The following MAPKAP1 variants were observed in gnomAD, a reference collection of about 807,000 sequenced individuals.
The protein encoded by MAPKAP1 is MAPK associated protein 1.
In MAPKAP1, 20 loss-of-function variants were observed where a neutral mutation model predicts 65.7. That is an observed-to-expected ratio of 0.30 (90% confidence interval 0.21 to 0.44). MAPKAP1 has a LOEUF of 0.44. MAPKAP1 is among the 20% of genes least tolerant of loss of function. The pLI is 1.00. For synonymous variants in MAPKAP1, 222 were observed against 244.3 expected, an observed-to-expected ratio of 0.91 and a Z score of 0.85; for missense variants, 423 against 648.0, an observed-to-expected ratio of 0.65 and a Z score of 3.77.
chr9:125,464,657 G>GGAGATTC (rs1853615094), intron 10 of MAPKAP1, among the ~76,000 whole-genome samples: 1 of 152,162 alleles, frequency 6.6e-6, no homozygotes, highest in Non-Finnish European at 1.5e-5. Context: ...TGAGACCCCA[G>GGAGATTC]CCTAAGAGGG....
intron 10 of MAPKAP1, among the ~76,000 whole-genome samples, chr9:125,454,221 G>A (rs557519104): frequency 6.6e-6 from 1 of 152,350 alleles, no homozygotes; most frequent in South Asian, 2.1e-4. Context: ...TCATGTGTAA[G>A]TTGTTCTAGT....
chr9:125,674,298 A>G (rs563770505), intron 1 of MAPKAP1, among the ~76,000 whole-genome samples: 35 of 152,354 alleles, frequency 2.3e-4, no homozygotes, highest in African/African-American at 8.2e-4. Context: ...AATTTCAATG[A>G]TCAATTCTTG....
chr9:125,697,766 A>C (rs1412879285), intron 1 of MAPKAP1, among the ~76,000 whole-genome samples: 1 of 152,198 alleles, frequency 6.6e-6, no homozygotes, highest in Non-Finnish European at 1.5e-5. Context: ...AATACTGCCA[A>C]AGTGCTTTCC....
chr9:125,527,848 C>G (rs960413680), intron 7 of MAPKAP1, among the ~76,000 whole-genome samples: 1 of 152,206 alleles, frequency 6.6e-6, no homozygotes, highest in African/African-American at 2.4e-5. Context: ...AACGGATATG[C>G]ATCGCCTTTC....
intron 1 of MAPKAP1, among the ~76,000 whole-genome samples, chr9:125,683,973 A>G (rs1227175446): frequency 1.3e-5 from 2 of 152,182 alleles, no homozygotes; most frequent in African/African-American, 4.8e-5. Context: ...CCCTTCTCCA[A>G]TACAAATCTT....
At chr9:125,621,501 AT>A (rs1832898850) in intron 4 of MAPKAP1, among the ~76,000 whole-genome samples, 1 of 152,196 alleles carries the variant, frequency 6.6e-6, no homozygotes, top group African/African-American at 2.4e-5. Flanking sequence ...AAATGAGATA[AT>A]GTATATAAAA....
rs541588215 is a variant in MAPKAP1, at chr9:125,548,323, T to G, written c.849-5155A>C. Among the ~76,000 whole-genome samples, 49 of 152,320 alleles carry G rather than the reference T, an allele frequency of 3.2e-4. No homozygotes were observed. The South Asian group carries it at 1.0e-2, about 31-fold the overall frequency. ...AAAGGTGGAGGCAAGTTCAGAGTGCTGCCAAAACAAACATAGGGCACGTAA... is the reference window on the plus strand; with the variant it reads ...AAAGGTGGAGGCAAGTTCAGAGTGCGGCCAAAACAAACATAGGGCACGTAA... On this transcript the variant is annotated intron_variant, in intron 6 of 11. Coordinates refer to ENST00000265960, the MANE Select transcript of MAPKAP1 (RefSeq NM_001006617.3).
At chr9:125,641,000 G>A (rs140944249) in intron 4 of MAPKAP1, among the ~76,000 whole-genome samples, 20 of 152,270 alleles carry the variant, frequency 1.3e-4, no homozygotes, top group African/African-American at 3.4e-4. Flanking sequence ...TGGCCCTACC[G>A]TATAGCAGGG....
At chr9:125,668,922 G>A (rs1189158648) in intron 3 of MAPKAP1, among the ~76,000 whole-genome samples, 2 of 152,170 alleles carry the variant, frequency 1.3e-5, no homozygotes, top group Non-Finnish European at 2.9e-5. Flanking sequence ...AGTGGCTCAC[G>A]CCTATAATCC....
intron 9 of MAPKAP1, among the ~76,000 whole-genome samples, chr9:125,477,513 T>C (rs1206277377): frequency 6.6e-6 from 1 of 152,198 alleles, no homozygotes; most frequent in African/African-American, 2.4e-5. Context: ...GGCCAGGGAC[T>C]GGGTGACTCT....
chr9:125,556,247 G>A (rs1830731726), intron 6 of MAPKAP1, among the ~76,000 whole-genome samples: 1 of 152,178 alleles, frequency 6.6e-6, no homozygotes, highest in Non-Finnish European at 1.5e-5. Context: ...CACTAGTAAG[G>A]GCAAGGCTAG....
chr9:125,687,381 A>G (rs1835015917), intron 1 of MAPKAP1, among the ~76,000 whole-genome samples: 1 of 152,128 alleles, frequency 6.6e-6, no homozygotes, highest in African/African-American at 2.4e-5. Context: ...GAGACTAGCT[A>G]TGGGATGACT....
At chr9:125,656,031 T>C (rs1263735528) in intron 4 of MAPKAP1, among the ~76,000 whole-genome samples, 2 of 152,206 alleles carry the variant, frequency 1.3e-5, no homozygotes, top group Non-Finnish European at 1.5e-5. Context: ...ATAAAGTCTA[T>C]GGTATAAAGA....
chr9:125,484,328 A>G (rs1327142183), intron 9 of MAPKAP1, 115 bp downstream of exon 9: 14 of 1,118,104 alleles, frequency 1.3e-5, no homozygotes, highest in Non-Finnish European at 1.7e-5. Context: ...TTTTCTCAGA[A>G]AACAAATTAC....
intron 10 of MAPKAP1, among the ~76,000 whole-genome samples, chr9:125,460,350 A>G: frequency 6.6e-6 from 1 of 152,198 alleles, no homozygotes; most frequent in Non-Finnish European, 1.5e-5. Flanking sequence ...TTTCTACTCT[A>G]ACAAATATCA....
intron 8 of MAPKAP1, among the ~76,000 whole-genome samples, chr9:125,500,949 A>G (rs1395726622): frequency 3.3e-5 from 5 of 152,182 alleles, no homozygotes; most frequent in African/African-American, 1.2e-4. Context: ...TCTACGGGGT[A>G]AAAATTCCGA....
At chr9:125,493,148 A>G (rs1203716015) in intron 8 of MAPKAP1, among the ~76,000 whole-genome samples, 1 of 152,216 alleles carries the variant, frequency 6.6e-6, no homozygotes, top group Non-Finnish European at 1.5e-5. Context: ...CACCTGGCAC[A>G]CAATTAAGTA....
intron 7 of MAPKAP1, among the ~76,000 whole-genome samples, chr9:125,535,944 G>C (rs535981103): frequency 6.6e-6 from 1 of 152,118 alleles, no homozygotes; most frequent in Non-Finnish European, 1.5e-5. Context: ...CCACACTTAT[G>C]ACTGCCCAGA....
intron 10 of MAPKAP1, chr9:125,450,968 C>T (rs1852925406): frequency 6.6e-6 from 1 of 152,344 alleles, no homozygotes; most frequent in Admixed American, 6.5e-5. Context: ...AGTGCTCCTT[C>T]CCAAGCACTC....
Sources: allele counts gnomAD v4.1 joint callset (sites outside exome capture counted in the v4.1 genomes callset), GRCh38; gene constraint gnomAD v4.1.1; transcripts MANE v1.5; gene names NCBI Gene and HGNC (gene_info 2026-07-23, HGNC 2026-07-21).